The following CWC27 variants were observed in gnomAD, a reference collection of about 807,000 sequenced individuals.
CWC27 encodes the protein spliceosome-associated protein CWC27 homolog.
Under a neutral mutation model 63.6 loss-of-function variants are expected in CWC27, and 47 were observed. The ratio of observed to expected loss-of-function variants is 0.74; its 90% confidence interval spans 0.58 to 0.94. CWC27 has a LOEUF of 0.94. Ranked by LOEUF, CWC27 falls within the 40% of genes least tolerant of loss-of-function variation. The pLI is 0.00. For missense variants in CWC27, 495 were observed against 554.3 expected, an observed-to-expected ratio of 0.89 and a Z score of 1.07; for synonymous variants, 175 against 179.8, an observed-to-expected ratio of 0.97 and a Z score of 0.22.
chr5:64,935,474 G>A (rs1402262205), intron 11 of CWC27, among the ~76,000 whole-genome samples: 4 of 152,112 alleles, frequency 2.6e-5, no homozygotes, highest in African/African-American at 9.7e-5. Context: ...GTCTGTTTTG[G>A]TACCAGTACC....
At chr5:64,939,580 A>C (rs1748428223) in intron 11 of CWC27, among the ~76,000 whole-genome samples, 1 of 152,206 alleles carries the variant, frequency 6.6e-6, no homozygotes, top group South Asian at 2.1e-4. Context: ...CCTTCAAGTC[A>C]GGAGGCACAG....
intron 10 of CWC27, among the ~76,000 whole-genome samples, chr5:64,825,001 G>A (rs1355794770): frequency 1.3e-5 from 2 of 152,004 alleles, no homozygotes; most frequent in African/African-American, 4.8e-5. Context: ...CAAAGTGCTA[G>A]GATTACAGAC....
At chr5:64,822,539 C>CTG (rs891796625) in intron 10 of CWC27, among the ~76,000 whole-genome samples, 4 of 151,992 alleles carry the variant, frequency 2.6e-5, no homozygotes, top group African/African-American at 9.7e-5. Flanking sequence ...GAGAAAAGTA[C>CTG]AGGGTGTATT....
chr5:64,863,364 A>G (rs1354575485), intron 10 of CWC27, among the ~76,000 whole-genome samples: 1 of 152,028 alleles, frequency 6.6e-6, no homozygotes, highest in Non-Finnish European at 1.5e-5. Flanking sequence ...CTCAAGACTA[A>G]TAAAATACAT....
At chr5:64,916,116 T>C (rs981092747) in intron 11 of CWC27, among the ~76,000 whole-genome samples, 1 of 152,232 alleles carries the variant, frequency 6.6e-6, no homozygotes, top group Non-Finnish European at 1.5e-5. Context: ...AAGTTTAATA[T>C]GCCCACTAAA....
intron 10 of CWC27, among the ~76,000 whole-genome samples, chr5:64,847,188 G>A (rs1746004525): frequency 6.6e-6 from 1 of 152,086 alleles, no homozygotes; most frequent in South Asian, 2.1e-4. Flanking sequence ...AAGCTGAAGG[G>A]ATAGATAGAT....
intron 2 of CWC27, among the ~76,000 whole-genome samples, chr5:64,775,540 T>G (rs1301521144): frequency 6.6e-6 from 1 of 152,186 alleles, no homozygotes; most frequent in Admixed American, 6.5e-5. Flanking sequence ...TCTTTTGGTA[T>G]GCTTTTTCTT....
intron 10 of CWC27, among the ~76,000 whole-genome samples, chr5:64,839,321 A>T (rs2112276107): frequency 6.6e-6 from 1 of 152,308 alleles, no homozygotes; most frequent in East Asian, 1.9e-4. Flanking sequence ...AATGAAGAAG[A>T]TGAGAGTTTG....
chr5:65,018,259 G>A lies in CWC27; in HGVS notation c.1357G>A (p.Val453Met). The A allele has an allele frequency of 1.2e-6, 2 of 1,607,848 alleles. No homozygotes were observed. Among genetic ancestry groups the A allele is most frequent in the Non-Finnish European group, 1.7e-6 (2 of 1,177,832 alleles). The change falls in exon 14 of 14, where the codon GTG becomes ATG. Residue 453 changes from valine (V) to methionine (M), a missense_variant. Coordinates refer to ENST00000381070, the MANE Select transcript of CWC27 (RefSeq NM_005869.4). ...TFEIYDPRNP[V>M]NKRRREESKK... ...TGAAATCTATGATCCTCGGAATCCA[G>A]TGAATAAAAGAAGGAGGGAAGAAAG... is the stretch of plus-strand genomic sequence containing the variant.
At chr5:64,942,456 A>G (rs1018492955) in intron 11 of CWC27, among the ~76,000 whole-genome samples, 1 of 151,154 alleles carries the variant, frequency 6.6e-6, no homozygotes, top group African/African-American at 2.4e-5. Flanking sequence ...AAAAAAAAAA[A>G]AAAAGATAAA....
At chr5:64,931,465 C>CT (rs940140245) in intron 11 of CWC27, among the ~76,000 whole-genome samples, 2 of 145,084 alleles carry the variant, frequency 1.4e-5, no homozygotes, top group Non-Finnish European at 3.0e-5. Context: ...TTGATAAACT[C>CT]TTTTTTTTAC....
chr5:64,827,339 T>C (rs962187635), intron 10 of CWC27, among the ~76,000 whole-genome samples: 2 of 152,162 alleles, frequency 1.3e-5, no homozygotes, highest in Non-Finnish European at 2.9e-5. Context: ...CTGGAATTTA[T>C]CCCATGTCAT....
At chr5:64,825,386 G>A (rs989616046) in intron 10 of CWC27, among the ~76,000 whole-genome samples, 4 of 152,182 alleles carry the variant, frequency 2.6e-5, no homozygotes, top group Admixed American at 2.0e-4. Flanking sequence ...TATCTGGAAC[G>A]TGGTAAGCAG....
intron 10 of CWC27, among the ~76,000 whole-genome samples, chr5:64,809,107 CT>C (rs1190181128): frequency 6.6e-6 from 1 of 152,130 alleles, no homozygotes; most frequent in East Asian, 1.9e-4. Flanking sequence ...TTACTTCCCC[CT>C]CATCTCCTAA....
intron 11 of CWC27, among the ~76,000 whole-genome samples, chr5:64,969,253 C>G (rs1044712821): frequency 2.0e-4 from 31 of 152,234 alleles, no homozygotes; most frequent in Non-Finnish European, 3.5e-4. Context: ...AAATTCTTAC[C>G]ACACATAAAG....
intron 10 of CWC27, among the ~76,000 whole-genome samples, chr5:64,830,909 G>A (rs1031509104): frequency 6.6e-6 from 1 of 152,048 alleles, no homozygotes. Flanking sequence ...GGACATTTGG[G>A]TTGGTTCTAA....
chr5:64,901,433 G>T (rs1464053037), intron 11 of CWC27, among the ~76,000 whole-genome samples: 1 of 150,862 alleles, frequency 6.6e-6, no homozygotes, highest in East Asian at 1.9e-4. Flanking sequence ...ACTCCAGCCT[G>T]GGTGACAGAG....
At chr5:64,955,087 T>C (rs898417780) in intron 11 of CWC27, among the ~76,000 whole-genome samples, 1 of 152,138 alleles carries the variant, frequency 6.6e-6, no homozygotes, top group Non-Finnish European at 1.5e-5. Flanking sequence ...ATGAAAAATA[T>C]GATATCTACT....
intron 11 of CWC27, among the ~76,000 whole-genome samples, chr5:64,931,384 T>C (rs1350025567): frequency 4.6e-5 from 7 of 151,982 alleles, no homozygotes; most frequent in Non-Finnish European, 8.8e-5. Flanking sequence ...ATATTATTCT[T>C]TAACTTTTCT....
Sources: allele counts gnomAD v4.1 joint callset (sites outside exome capture counted in the v4.1 genomes callset), GRCh38; gene constraint gnomAD v4.1.1; transcripts MANE v1.5; gene names NCBI Gene and HGNC (gene_info 2026-07-23, HGNC 2026-07-21).